The following ZBTB20 variants were observed in gnomAD, a reference collection of about 807,000 sequenced individuals.
ZBTB20 encodes the protein zinc finger and BTB domain-containing protein 20.
Under a neutral mutation model 56.9 loss-of-function variants are expected in ZBTB20, and 9 were observed. The ratio of observed to expected loss-of-function variants is 0.16; its 90% CI spans 0.10 to 0.28. ZBTB20 has a LOEUF of 0.28. Among genes scored for constraint, ZBTB20 ranks in the 10% least tolerant of loss-of-function variants. The probability of loss-of-function intolerance (pLI) is 1.00; values close to 1 mark genes in which losing one functional copy is unlikely to be tolerated. For synonymous variants in ZBTB20, 417 were observed against 420.7 expected (o/e 0.99, Z 0.11); for missense variants, 655 against 1,003.0 (o/e 0.65, Z 4.69).
intron 5 of ZBTB20, among the ~76,000 whole-genome samples, chr3:114,717,672 A>C (rs1307682004): frequency 6.6e-6 from 1 of 152,128 alleles, no homozygotes; most frequent in East Asian, 1.9e-4. Flanking sequence ...CTTTCATAAC[A>C]AAATGTATTA....
chr3:114,926,447 C>G (rs2076161229), intron 3 of ZBTB20, among the ~76,000 whole-genome samples: 1 of 151,960 alleles, frequency 6.6e-6, no homozygotes, highest in African/African-American at 2.4e-5. Context: ...GTTTATTTCT[C>G]CACACAAGAA....
intron 1 of ZBTB20, among the ~76,000 whole-genome samples, chr3:115,086,323 TG>T (rs1313046469): frequency 2.6e-5 from 4 of 151,762 alleles, no homozygotes; most frequent in Admixed American, 2.6e-4. Context: ...CTTGTGAAAA[TG>T]GTATTTTTCA....
chr3:114,654,593 T>C (rs2060297866), intron 6 of ZBTB20, among the ~76,000 whole-genome samples: 1 of 152,168 alleles, frequency 6.6e-6, no homozygotes, highest in African/African-American at 2.4e-5. Context: ...TATTCCTGTA[T>C]GTTTTAAATA....
chr3:114,913,062 T>C (rs1299281591), intron 3 of ZBTB20, among the ~76,000 whole-genome samples: 1 of 152,078 alleles, frequency 6.6e-6, no homozygotes, highest in Non-Finnish European at 1.5e-5. Context: ...ATATATATCT[T>C]CAATATACTG....
At chr3:114,361,769 A>C (rs1371111325) in intron 10 of ZBTB20, among the ~76,000 whole-genome samples, 1 of 152,212 alleles carries the variant, frequency 6.6e-6, no homozygotes, top group African/African-American at 2.4e-5. Context: ...CAAGGTCTCT[A>C]CTTGCATACA....
intron 6 of ZBTB20, among the ~76,000 whole-genome samples, chr3:114,596,993 A>G (rs2056368135): frequency 6.6e-6 from 1 of 152,186 alleles, no homozygotes; most frequent in South Asian, 2.1e-4. Flanking sequence ...TGAGCAAAAT[A>G]CAGTTCAAAT....
chr3:114,798,160 T>C lies in ZBTB20; in HGVS notation c.-343+2941A>G, dbSNP rs2071448876. Among the ~76,000 whole-genome samples the C allele has an allele frequency of 2.0e-5, 3 of 151,966 alleles. No homozygotes were observed. In the South Asian group the frequency reaches 6.2e-4, roughly 32 times the overall value. ...GGGAAGTTTGAATTCCACACCACTATGGTTCTGTTCAGATTACTGGTTTCA... is the reference window on the plus strand; with the variant it reads ...GGGAAGTTTGAATTCCACACCACTACGGTTCTGTTCAGATTACTGGTTTCA... On this transcript the variant is annotated intron_variant, in intron 5 of 11. Transcript: ENST00000675478.
chr3:114,896,622 T>G (rs2074891614), intron 4 of ZBTB20, among the ~76,000 whole-genome samples: 1 of 152,046 alleles, frequency 6.6e-6, no homozygotes, highest in South Asian at 2.1e-4. Context: ...AATGGGAAGT[T>G]ATATTTTAAT....
At chr3:114,685,502 T>A (rs957386437) in intron 6 of ZBTB20, among the ~76,000 whole-genome samples, 1 of 152,252 alleles carries the variant, frequency 6.6e-6, no homozygotes, top group African/African-American at 2.4e-5. Flanking sequence ...CTACGCAATG[T>A]GCAGCTGGGA....
At chr3:114,611,890 C>G in intron 6 of ZBTB20, among the ~76,000 whole-genome samples, 1 of 152,142 alleles carries the variant, frequency 6.6e-6, no homozygotes, top group East Asian at 1.9e-4. Flanking sequence ...AGTTATTCAG[C>G]AAATCCTTAT....
intron 6 of ZBTB20, among the ~76,000 whole-genome samples, chr3:114,662,531 A>T (rs2060797369): frequency 6.9e-6 from 1 of 143,912 alleles, no homozygotes; most frequent in Admixed American, 7.0e-5. Flanking sequence ...ACAGTGTAAA[A>T]GTGTTCCTAT....
At chr3:114,676,675 T>C (rs1434943491) in intron 6 of ZBTB20, among the ~76,000 whole-genome samples, 1 of 152,072 alleles carries the variant, frequency 6.6e-6, no homozygotes, top group African/African-American at 2.4e-5. Flanking sequence ...ATAAATGATA[T>C]AATATACCAA....
intron 5 of ZBTB20, among the ~76,000 whole-genome samples, chr3:114,705,130 C>T (rs980553026): frequency 5.3e-5 from 8 of 152,124 alleles, no homozygotes; most frequent in Non-Finnish European, 1.2e-4. Flanking sequence ...ACTCAAGACC[C>T]ATGTTTTTCT....
chr3:114,795,774 G>A (rs1362414885), intron 5 of ZBTB20, among the ~76,000 whole-genome samples: 1 of 152,004 alleles, frequency 6.6e-6, no homozygotes, highest in Non-Finnish European at 1.5e-5. Context: ...TTCCTTAGGA[G>A]ACTATCAATT....
chr3:114,525,234 T>A (rs145652734), intron 6 of ZBTB20, among the ~76,000 whole-genome samples: 1 of 152,314 alleles, frequency 6.6e-6, no homozygotes, highest in East Asian at 1.9e-4. Flanking sequence ...AATTTGTGCC[T>A]GGAACATAAT....
At chr3:114,629,209 CT>C (rs2058802842) in intron 6 of ZBTB20, among the ~76,000 whole-genome samples, 1 of 152,072 alleles carries the variant, frequency 6.6e-6, no homozygotes, top group South Asian at 2.1e-4. Context: ...CTTGCCAAGT[CT>C]TTCTTTTCCC....
chr3:115,091,158 A>C (rs972921428), intron 1 of ZBTB20, among the ~76,000 whole-genome samples: 2 of 152,044 alleles, frequency 1.3e-5, no homozygotes, highest in African/African-American at 4.8e-5. Flanking sequence ...TTCATCCATT[A>C]TAATACTATT....
chr3:114,926,289 G>A (rs559359374), intron 3 of ZBTB20, among the ~76,000 whole-genome samples: 2 of 152,272 alleles, frequency 1.3e-5, no homozygotes, highest in African/African-American at 4.8e-5. Context: ...TTAATACAAA[G>A]TTTGAACCTC....
At chr3:114,689,441 T>C (rs2062562887) in intron 6 of ZBTB20, among the ~76,000 whole-genome samples, 3 of 152,170 alleles carry the variant, frequency 2.0e-5, no homozygotes, top group East Asian at 1.9e-4. Context: ...TGAGCTTAAC[T>C]GGGGGAAAGG....
Sources: allele counts gnomAD v4.1 joint callset (sites outside exome capture counted in the v4.1 genomes callset), GRCh38; gene constraint gnomAD v4.1.1; transcripts MANE v1.5; gene names NCBI Gene and HGNC (gene_info 2026-07-23, HGNC 2026-07-21).